VEGFC: variants seen among roughly 807,000 people sequenced by gnomAD.
VEGFC encodes the protein vascular endothelial growth factor C, also known as FLT4 ligand DHM.
VEGFC carries 12 observed loss-of-function variants against 46.1 expected under a neutral mutation model. The ratio of observed to expected loss-of-function variants is 0.26; its 90% CI spans 0.17 to 0.42. The LOEUF is 0.42. Ranked by LOEUF, VEGFC falls within the 10% of genes least tolerant of loss-of-function variation. The pLI is 1.00. For synonymous variants in VEGFC, 232 were observed against 195.5 expected (o/e 1.19, Z -1.56); for missense variants, 488 against 529.4 (o/e 0.92, Z 0.77).
chr4:176,717,174 C>T (rs985275721), intron 3 of VEGFC, among the ~76,000 whole-genome samples: 3 of 151,698 alleles, frequency 2.0e-5, no homozygotes, highest in East Asian at 1.9e-4. Flanking sequence ...TGTAATAATA[C>T]AATTCATTAT....
At chr4:176,684,647 T>C (rs981433165) in intron 6 of VEGFC, among the ~76,000 whole-genome samples, 1 of 152,204 alleles carries the variant, frequency 6.6e-6, no homozygotes, top group Non-Finnish European at 1.5e-5. Context: ...CCTCCCATCC[T>C]AGACTTCCAG....
chr4:176,780,568 C>A (rs1735898634), intron 1 of VEGFC, among the ~76,000 whole-genome samples: 1 of 151,986 alleles, frequency 6.6e-6, no homozygotes, highest in African/African-American at 2.4e-5. Context: ...GAAATTATAT[C>A]TATACAGTTA....
intron 4 of VEGFC, among the ~76,000 whole-genome samples, chr4:176,698,926 C>T (rs899528064): frequency 6.6e-6 from 1 of 152,026 alleles, no homozygotes; most frequent in Non-Finnish European, 1.5e-5. Flanking sequence ...TTAACTGCAC[C>T]TTGATTTATG....
chr4:176,775,648 T>C (rs895786800), intron 1 of VEGFC, among the ~76,000 whole-genome samples: 4 of 152,234 alleles, frequency 2.6e-5, no homozygotes. Flanking sequence ...CTAATTTTGA[T>C]GATTATGATG....
chr4:176,740,100 A>T lies in VEGFC; in HGVS notation c.148-10354T>A, dbSNP rs1423721297. 5.4e-4 allele frequency among the ~76,000 whole-genome samples: 7 copies of T among 13,054 alleles called. 1 individual carries two copies. The highest frequency in any genetic ancestry group is 6.2e-4 in the African/African-American group (7 of 11,354). 8.6% of individuals were successfully genotyped at this position (13,054 alleles called of 152,430 possible). A position where few individuals can be genotyped will look rare whatever the true frequency, so the allele number is the denominator to read the frequency against. On this transcript the variant is annotated intron_variant, in intron 1 of 6. Coordinates refer to ENST00000618562, the MANE Select transcript of VEGFC (RefSeq NM_005429.5). The stretch of plus-strand genomic sequence containing the variant: ...ATTATATATTCTATATATTCTATAC[A>T]TATATTCTATATATATATTCTATAT...
chr4:176,708,103 A>G (rs1734567168), intron 4 of VEGFC, among the ~76,000 whole-genome samples: 2 of 151,804 alleles, frequency 1.3e-5, no homozygotes, highest in East Asian at 1.9e-4. Context: ...GTTAATAGTT[A>G]AGCTCTCCAA....
chr4:176,752,014 T>C (rs1735350705), intron 1 of VEGFC, among the ~76,000 whole-genome samples: 1 of 152,034 alleles, frequency 6.6e-6, no homozygotes. Flanking sequence ...TTTGTTTTTA[T>C]AAAATATAAG....
intron 1 of VEGFC, among the ~76,000 whole-genome samples, chr4:176,784,013 T>C (rs1735956440): frequency 6.6e-6 from 1 of 151,918 alleles, no homozygotes; most frequent in Non-Finnish European, 1.5e-5. Flanking sequence ...TACAGAAAGC[T>C]TACTATATGC....
chr4:176,684,302 A>G (rs1252417333), intron 6 of VEGFC, among the ~76,000 whole-genome samples: 2 of 152,242 alleles, frequency 1.3e-5, no homozygotes, highest in African/African-American at 2.4e-5. Flanking sequence ...GTTCCTTTGA[A>G]GTGCTCTTTG....
At chr4:176,751,533 G>C (rs1295844387) in intron 1 of VEGFC, among the ~76,000 whole-genome samples, 1 of 151,868 alleles carries the variant, frequency 6.6e-6, no homozygotes, top group Non-Finnish European at 1.5e-5. Flanking sequence ...TGAAGAAAAT[G>C]GAATATCCTT....
At chr4:176,710,835 T>C (rs1472062697) in intron 4 of VEGFC, among the ~76,000 whole-genome samples, 1 of 152,078 alleles carries the variant, frequency 6.6e-6, no homozygotes, top group African/African-American at 2.4e-5. Context: ...AGTTCTCCTA[T>C]ATGATCACAT....
At chr4:176,728,665 A>C (rs1734912498) in intron 2 of VEGFC, among the ~76,000 whole-genome samples, 1 of 152,188 alleles carries the variant, frequency 6.6e-6, no homozygotes, top group Admixed American at 6.5e-5. Flanking sequence ...ATTACAAATA[A>C]TGTACTTCCT....
intron 1 of VEGFC, among the ~76,000 whole-genome samples, chr4:176,744,254 C>A (rs1176894343): frequency 6.6e-6 from 1 of 151,878 alleles, no homozygotes; most frequent in East Asian, 1.9e-4. Flanking sequence ...ATACCAGTCT[C>A]CAATTTATAA....
chr4:176,692,281 C>G (rs2110971878), intron 4 of VEGFC, among the ~76,000 whole-genome samples: 1 of 135,042 alleles, frequency 7.4e-6, no homozygotes, highest in South Asian at 2.2e-4. Flanking sequence ...GTAGTCCCAG[C>G]TACTTGGGAG....
intron 3 of VEGFC, among the ~76,000 whole-genome samples, chr4:176,715,492 T>C (rs1270952810): frequency 2.0e-5 from 3 of 152,258 alleles, no homozygotes; most frequent in South Asian, 4.1e-4. Context: ...TAAGATATAA[T>C]TGTACCTATA....
At chr4:176,733,616 C>A (rs995372255) in intron 1 of VEGFC, among the ~76,000 whole-genome samples, 1 of 151,646 alleles carries the variant, frequency 6.6e-6, no homozygotes, top group Non-Finnish European at 1.5e-5. Flanking sequence ...TGAGTATGAC[C>A]ACAAAGTGTC....
intron 4 of VEGFC, among the ~76,000 whole-genome samples, chr4:176,690,925 G>A (rs57890035): frequency 0.23 from 35,202 of 152,090 alleles, 6,723 homozygotes; most frequent in African/African-American, 0.53. Context: ...TGTTATTCCA[G>A]CTGCTGCTTG....
At chr4:176,699,017 G>A (rs1734376700) in intron 4 of VEGFC, among the ~76,000 whole-genome samples, 1 of 152,116 alleles carries the variant, frequency 6.6e-6, no homozygotes. Context: ...TAACATTAAT[G>A]TCAATTCAAC....
rs146496023 is a variant in VEGFC, at chr4:176,719,293, C to T, written c.553-7643G>A. On this transcript the variant is annotated intron_variant, in intron 3 of 6. Transcript: ENST00000618562. ...TGTGCCTGGAACTCTTTTAACAAAACGAAAAGTCTTTTTTTTGTTTTTTTT... is the reference window on the plus strand; with the variant it reads ...TGTGCCTGGAACTCTTTTAACAAAATGAAAAGTCTTTTTTTTGTTTTTTTT... Among the ~76,000 whole-genome samples the T allele has an allele frequency of 8.8e-3, 1,027 of 116,804 alleles. 9 individuals are homozygous for T. Among genetic ancestry groups the T allele is most frequent in the African/African-American group, 0.015 (508 of 33,392 alleles). 76.6% of individuals were successfully genotyped at this position (116,804 alleles called of 152,430 possible).
Sources: allele counts gnomAD v4.1 joint callset (sites outside exome capture counted in the v4.1 genomes callset), GRCh38; gene constraint gnomAD v4.1.1; transcripts MANE v1.5; gene names NCBI Gene and HGNC (gene_info 2026-07-23, HGNC 2026-07-21).